UGT2B17: variants seen among roughly 807,000 people sequenced by gnomAD.
The protein encoded by UGT2B17 is UDP glucuronosyltransferase family 2 member B17.
In UGT2B17, 21 loss-of-function variants were observed where a neutral mutation model predicts 48.2. The ratio of observed to expected loss-of-function variants is 0.44; its 90% CI spans 0.31 to 0.63. The LOEUF is 0.63. UGT2B17 is among the 20% of genes least tolerant of loss of function. The pLI, the probability that UGT2B17 is intolerant of heterozygous loss-of-function variation, is 0.08. For missense variants in UGT2B17, 402 were observed against 696.1 expected (o/e 0.58, Z 4.75); for synonymous variants, 146 against 238.4 (o/e 0.61, Z 3.57).
intron 6 of UGT2B17, among the ~76,000 whole-genome samples, chr4:68,544,584 A>T (rs71615061): frequency 0.33 from 40,660 of 124,150 alleles, 13,102 homozygotes; most frequent in Admixed American, 0.42. Flanking sequence ...GATCAAATTT[A>T]CACATAACAA....
Position 68,574,478 on chromosome 4 carries a change from C to T in UGT2B17, c.-65+1473G>A, listed in dbSNP as rs1474106096. On this transcript the variant is annotated intron_variant, in intron 1 of 6. Transcript: ENST00000317746. Reference sequence around the variant, plus strand: ...GCAGGTTGATGCTTTAAGGAAAAAACCTGTTGCATTTTTACTTTCATGTCT... The same window carrying T: ...GCAGGTTGATGCTTTAAGGAAAAAATCTGTTGCATTTTTACTTTCATGTCT... 3.2e-5 allele frequency among the ~76,000 whole-genome samples: 4 copies of T among 126,662 alleles called. 1 individual carries two copies. Among genetic ancestry groups the T allele is most frequent in the African/African-American group, 1.1e-4 (4 of 37,056 alleles). 83.1% of individuals were successfully genotyped at this position (126,662 alleles called of 152,430 possible).
At position 68,573,244 on chromosome 4, in the gene UGT2B17, A is replaced by AT. The variant is rs1478012516; in HGVS notation, c.-65+2706dup. On this transcript the variant is annotated intron_variant, in intron 1 of 6. Coordinates refer to ENST00000317746, the MANE Select transcript of UGT2B17 (RefSeq NM_001077.4). ...GTCTAGTTGTTTTGAGAGACAGGCC[A>AT]TTGGCCTTGGCCAGGAACCTCCAGT... 8.6e-5 allele frequency among the ~76,000 whole-genome samples: 11 copies of AT among 127,214 alleles called. 1 individual carries two copies. The highest frequency in any genetic ancestry group is 3.0e-4 in the African/African-American group (11 of 37,090). 83.5% of individuals were successfully genotyped at this position (127,214 alleles called of 152,430 possible).
Position 68,576,008 on chromosome 4 carries a change from G to T in UGT2B17, c.-122C>A, listed in dbSNP as rs1312810140. ...TTCCTTCCCGGTGTTCAGCCACTGT[G>T]TTAATCCTCCACGGGGGCCTGCTAC... is the stretch of plus-strand genomic sequence containing the variant. On this transcript the variant is annotated 5_prime_UTR_variant, in exon 1 of 7. Transcript: ENST00000317746. Among the ~76,000 whole-genome samples, 1 of 126,634 alleles carries T rather than the reference G, an allele frequency of 7.9e-6. No individual in the cohort carries two copies. Among genetic ancestry groups the T allele is most frequent in the Middle Eastern group, 4.0e-3 (1 of 252 alleles). 83.1% of individuals were successfully genotyped at this position (126,634 alleles called of 152,430 possible).
chr4:68,558,942 T>C (rs1163475004), intron 4 of UGT2B17, among the ~76,000 whole-genome samples: 1 of 125,362 alleles, frequency 8.0e-6, no homozygotes, highest in Non-Finnish European at 1.7e-5. Flanking sequence ...AAATAAACTT[T>C]CTAAATGTAC....
chr4:68,548,465 A>G (rs1730860067), intron 6 of UGT2B17, among the ~76,000 whole-genome samples: 1 of 124,990 alleles, frequency 8.0e-6, no homozygotes, highest in Non-Finnish European at 1.7e-5. Flanking sequence ...TAGGAGATAC[A>G]CTTAATGTTA....
chr4:68,569,617 T>C lies in UGT2B17; in HGVS notation c.-64-1069A>G, dbSNP rs1401264661. Among the ~76,000 whole-genome samples the C allele has an allele frequency of 1.6e-5, 2 of 124,600 alleles. 1 individual carries two copies. The highest frequency in any genetic ancestry group is 3.4e-5 in the Non-Finnish European group (2 of 58,958). The allele number at this position is 124,600 out of a possible 152,430, so 81.7% of individuals were successfully genotyped here. ...TCCCTTCTCAGGCCCAGTCCCAAGATGCAAGGCTGCTTGCATCAGCAGCGT... is the reference window on the plus strand; with the variant it reads ...TCCCTTCTCAGGCCCAGTCCCAAGACGCAAGGCTGCTTGCATCAGCAGCGT... On this transcript the variant is annotated intron_variant, in intron 1 of 6. Coordinates refer to ENST00000317746, the MANE Select transcript of UGT2B17 (RefSeq NM_001077.4).
At chr4:68,557,495 G>A (rs1731023672) in intron 4 of UGT2B17, among the ~76,000 whole-genome samples, 2 of 122,974 alleles carry the variant, frequency 1.6e-5, no homozygotes, top group South Asian at 7.5e-4. Flanking sequence ...TTTTGACTTT[G>A]CTTAAAACAT....
At chr4:68,537,967 C>A in intron 6 of UGT2B17, 63 bp from the exon 7 acceptor site, 1 of 1,141,106 alleles carries the variant, frequency 8.8e-7, no homozygotes, top group Non-Finnish European at 1.1e-6. Flanking sequence ...CATATCAAGT[C>A]TATGGATGGT....
Position 68,562,789 on chromosome 4 carries a change from C to T in UGT2B17, c.874-2121G>A, listed in dbSNP as rs1287379085. Among the ~76,000 whole-genome samples, 4 of 126,134 alleles carry T rather than the reference C, an allele frequency of 3.2e-5. 2 individuals carry two copies. Among genetic ancestry groups the T allele is most frequent in the Non-Finnish European group, 6.7e-5 (4 of 59,546 alleles). 82.7% of individuals were successfully genotyped at this position (126,134 alleles called of 152,430 possible). On this transcript the variant is annotated intron_variant, in intron 3 of 6. Transcript: ENST00000317746. ...AATTCTATTTATATAACTCAATGTA[C>T]ATATGTGATGTTTATTTAGAAAATT...
At chr4:68,559,921 G>A (rs1366689044) in intron 4 of UGT2B17, among the ~76,000 whole-genome samples, 1 of 118,654 alleles carries the variant, frequency 8.4e-6, no homozygotes, top group African/African-American at 2.9e-5. Flanking sequence ...GAGCAGACAA[G>A]TTTTTCTTTT....
chr4:68,559,149 G>C lies in UGT2B17; in HGVS notation c.1005+1388C>G, dbSNP rs538024882. Among the ~76,000 whole-genome samples the C allele has an allele frequency of 2.4e-5, 3 of 124,102 alleles. 1 individual carries two copies. Among genetic ancestry groups the C allele is most frequent in the African/African-American group, 8.2e-5 (3 of 36,496 alleles). The allele number at this position is 124,102 out of a possible 152,430, so 81.4% of individuals were successfully genotyped here. A position where few individuals can be genotyped will look rare whatever the true frequency, so the allele number is the denominator to read the frequency against. ...AATTTATTAATTTTTGAGTGATATGGGAAGAGTTTACTTATATCCACTTGT... is the reference window on the plus strand; with the variant it reads ...AATTTATTAATTTTTGAGTGATATGCGAAGAGTTTACTTATATCCACTTGT... On this transcript the variant is annotated intron_variant, in intron 4 of 6. Transcript: ENST00000317746.
At chr4:68,540,367 A>G (rs559638390) in intron 6 of UGT2B17, among the ~76,000 whole-genome samples, 1 of 127,120 alleles carries the variant, frequency 7.9e-6, no homozygotes, top group African/African-American at 2.7e-5. Context: ...CTCTGTCACC[A>G]GGCTGGAGTG....
rs1235184581 is a variant in UGT2B17 at position 68,541,944 on chromosome 4, A to C, written c.1314-4040T>G. Among the ~76,000 whole-genome samples the C allele has an allele frequency of 2.4e-5, 3 of 126,490 alleles. 1 individual carries two copies. Among genetic ancestry groups the C allele is most frequent in the Non-Finnish European group, 5.0e-5 (3 of 59,718 alleles). The allele number at this position is 126,490 out of a possible 152,430, so 83.0% of individuals were successfully genotyped here. ...GTTTTTGTCAGTTTTGTCGAAGATCAGATGGCTGTAGATGTGTGGTGTTAT... is the reference window on the plus strand; with the variant it reads ...GTTTTTGTCAGTTTTGTCGAAGATCCGATGGCTGTAGATGTGTGGTGTTAT... On this transcript the variant is annotated intron_variant, in intron 6 of 6. Transcript: ENST00000317746.
In UGT2B17 at chr4:68,562,561, C is replaced by G. The variant is rs1385470637; in HGVS notation, c.874-1893G>C. 4.8e-5 allele frequency among the ~76,000 whole-genome samples: 6 copies of G among 126,048 alleles called. 1 individual carries two copies. The highest frequency in any genetic ancestry group is 8.4e-5 in the Non-Finnish European group (5 of 59,616). 82.7% of individuals were successfully genotyped at this position (126,048 alleles called of 152,430 possible). ...TGTCTCATTCACTGACAAAAGTCTT[C>G]TTCATCCACCAAGTATTGAAGTAAA... On this transcript the variant is annotated intron_variant, in intron 3 of 6. Coordinates refer to ENST00000317746, the MANE Select transcript of UGT2B17 (RefSeq NM_001077.4).
rs1204895018 is a variant in UGT2B17, at chr4:68,537,204, T to G, written c.*421A>C. ...CATAATTTAATTATTGAAGATTTCA[T>G]TGGCAAAATTAAAAACAAAAATTCT... On this transcript the variant is annotated 3_prime_UTR_variant, in exon 7 of 7. Transcript: ENST00000317746. 3 of 128,058 alleles carry G rather than the reference T, an allele frequency of 2.3e-5. 1 individual carries two copies. The highest frequency in any genetic ancestry group is 8.1e-5 in the African/African-American group (3 of 37,150). The allele number at this position is 128,058 out of a possible 1,614,324, so 7.9% of individuals were successfully genotyped here. A position where few individuals can be genotyped will look rare whatever the true frequency, so the allele number is the denominator to read the frequency against.
rs116033838 is a variant in UGT2B17 at position 68,568,619 on chromosome 4, G to A, written c.-64-71C>T. On this transcript the variant is annotated intron_variant, in intron 1 of 6. Coordinates refer to ENST00000317746, the MANE Select transcript of UGT2B17 (RefSeq NM_001077.4). ...GTTGACCTCATATTTATTTTAGTGTGTTTGGTGTTCTTTTATATTTACAAT... is the reference window on the plus strand; with the variant it reads ...GTTGACCTCATATTTATTTTAGTGTATTTGGTGTTCTTTTATATTTACAAT... 771 of 1,035,640 alleles carry A rather than the reference G, an allele frequency of 7.4e-4. 143 individuals carry two copies. The African/African-American group carries it at 0.012, about 16-fold the overall frequency. 64.2% of individuals were successfully genotyped at this position (1,035,640 alleles called of 1,614,324 possible).
rs1160601405 is a variant in UGT2B17, at chr4:68,541,561, T to C, written c.1314-3657A>G. On this transcript the variant is annotated intron_variant, in intron 6 of 6. Transcript: ENST00000317746. ...GGATATTGGACCTTTGTCAGAGGGA[T>C]AGATTGCAAAAATGTTCCCTCATTC... Among the ~76,000 whole-genome samples, 3 of 126,462 alleles carry C rather than the reference T, an allele frequency of 2.4e-5. 1 individual carries two copies. Among genetic ancestry groups the C allele is most frequent in the African/African-American group, 8.1e-5 (3 of 37,014 alleles). 83.0% of individuals were successfully genotyped at this position (126,462 alleles called of 152,430 possible).
At position 68,555,613 on chromosome 4, in the gene UGT2B17, T is replaced by C. The variant is rs182775473; in HGVS notation, c.1006-3702A>G. 1.6e-5 allele frequency among the ~76,000 whole-genome samples: 2 copies of C among 126,330 alleles called. 1 individual carries two copies. The highest frequency in any genetic ancestry group is 1.5e-3 in the East Asian group (2 of 1,348). The allele number at this position is 126,330 out of a possible 152,430, so 82.9% of individuals were successfully genotyped here. ...CAATTCCATAACTTTAAATGATGACTACCACACTTTTCACAAATATTCTAG... is the reference window on the plus strand; with the variant it reads ...CAATTCCATAACTTTAAATGATGACCACCACACTTTTCACAAATATTCTAG... On this transcript the variant is annotated intron_variant, in intron 4 of 6. Coordinates refer to ENST00000317746, the MANE Select transcript of UGT2B17 (RefSeq NM_001077.4).
intron 6 of UGT2B17, among the ~76,000 whole-genome samples, chr4:68,550,162 C>A (rs1290206048): frequency 8.0e-6 from 1 of 124,284 alleles, no homozygotes; most frequent in African/African-American, 2.7e-5. Flanking sequence ...TTAATTTGAG[C>A]TCACAAAAAT....
Sources: allele counts gnomAD v4.1 joint callset (sites outside exome capture counted in the v4.1 genomes callset), GRCh38; gene constraint gnomAD v4.1.1; transcripts MANE v1.5; gene names NCBI Gene and HGNC (gene_info 2026-07-23, HGNC 2026-07-21).